The following TAFA2 variants were observed in gnomAD, a reference collection of about 807,000 sequenced individuals.
TAFA2 encodes the protein chemokine-like protein TAFA-2.
Under a neutral mutation model 18.8 loss-of-function variants are expected in TAFA2, and 7 were observed. That is an observed-to-expected ratio of 0.37 (90% confidence interval 0.21 to 0.70). The LOEUF (loss-of-function observed/expected upper bound fraction) is 0.70. Ranked by LOEUF, TAFA2 falls within the 30% of genes least tolerant of loss-of-function variation. The pLI, the probability that TAFA2 is intolerant of heterozygous loss-of-function variation, is 0.53. For synonymous variants in TAFA2, 60 were observed against 54.2 expected, an observed-to-expected ratio of 1.11 and a Z score of -0.47; for missense variants, 122 against 158.1, an observed-to-expected ratio of 0.77 and a Z score of 1.23.
intron 2 of TAFA2, among the ~76,000 whole-genome samples, chr12:61,832,377 G>A (rs1450863335): frequency 6.6e-6 from 1 of 152,000 alleles, no homozygotes; most frequent in Non-Finnish European, 1.5e-5. Context: ...AGGTGCCCTG[G>A]TCCATACTCC....
chr12:62,060,528 T>C (rs1340160841), intron 1 of TAFA2, among the ~76,000 whole-genome samples: 1 of 152,254 alleles, frequency 6.6e-6, no homozygotes, highest in East Asian at 1.9e-4. Context: ...GACAATGTTA[T>C]TGGTTTATGT....
chr12:61,879,403 C>A, intron 1 of TAFA2: 3 of 717,556 alleles, frequency 4.2e-6, no homozygotes, highest in South Asian at 1.5e-5. Context: ...CACGAGTGGT[C>A]CCGGTGCCCC....
intron 2 of TAFA2, among the ~76,000 whole-genome samples, chr12:61,827,420 A>G (rs1384644082): frequency 1.3e-5 from 2 of 152,060 alleles, no homozygotes; most frequent in Middle Eastern, 3.2e-3. Context: ...GTTCTCTACC[A>G]TTACTTGTTC....
At position 61,801,201 on chromosome 12, in the gene TAFA2, A is replaced by T. The variant is rs373770090; in HGVS notation, c.107-46177T>A. 2.0e-4 allele frequency among the ~76,000 whole-genome samples: 30 copies of T among 152,266 alleles called. No individual in the cohort carries two copies. In the South Asian group the frequency reaches 6.0e-3, roughly 30 times the overall value. On this transcript the variant is annotated intron_variant, in intron 2 of 4. Coordinates refer to ENST00000416284, the MANE Select transcript of TAFA2 (RefSeq NM_178539.5). The stretch of plus-strand genomic sequence containing the variant: ...TTAAAATGTCAGTACTACCCATAGC[A>T]ATCTACAGATTCAATGCAATCCTTA...
intron 2 of TAFA2, among the ~76,000 whole-genome samples, chr12:61,801,216 T>G (rs532464594): frequency 2.0e-5 from 3 of 152,266 alleles, no homozygotes; most frequent in African/African-American, 7.2e-5. Context: ...ACAGATTCAA[T>G]GCAATCCTTA....
intron 1 of TAFA2, among the ~76,000 whole-genome samples, chr12:61,875,803 T>A (rs1443612544): frequency 6.6e-6 from 1 of 152,160 alleles, no homozygotes; most frequent in Admixed American, 6.5e-5. Flanking sequence ...TGGCACTATG[T>A]CACACTATGA....
At chr12:62,214,943 T>C (rs998692658) in intron 1 of TAFA2, among the ~76,000 whole-genome samples, 3 of 152,156 alleles carry the variant, frequency 2.0e-5, no homozygotes, top group Admixed American at 6.5e-5. Flanking sequence ...AGAGATACTA[T>C]CTTTAAAGGC....
At chr12:62,208,106 T>C (rs2136971480) in intron 1 of TAFA2, among the ~76,000 whole-genome samples, 1 of 152,256 alleles carries the variant, frequency 6.6e-6, no homozygotes, top group South Asian at 2.1e-4. Context: ...CTAACCTTTT[T>C]ATCTAGTAGT....
chr12:62,246,964 TA>T (rs1253741341), intron 1 of TAFA2, among the ~76,000 whole-genome samples: 1 of 152,192 alleles, frequency 6.6e-6, no homozygotes, highest in Non-Finnish European at 1.5e-5. Context: ...CTCTGATTTT[TA>T]ACAAGTCAAA....
chr12:62,160,818 G>A (rs1180769912), intron 1 of TAFA2, among the ~76,000 whole-genome samples: 1 of 152,036 alleles, frequency 6.6e-6, no homozygotes, highest in Non-Finnish European at 1.5e-5. Flanking sequence ...AGTGTAGGTG[G>A]GTATGTGTGT....
At chr12:62,009,599 A>G (rs6581437) in intron 1 of TAFA2, among the ~76,000 whole-genome samples, 61,921 of 152,044 alleles carry the variant, frequency 0.41, 13,220 homozygotes, top group Non-Finnish European at 0.47. Flanking sequence ...TCAGATATAA[A>G]AAATATATAA....
chr12:61,820,547 G>A lies in TAFA2; in HGVS notation c.106+46773C>T, dbSNP rs138427828. ...AAGAGAAGGAGGAGAAAGAAAGGAA[G>A]GAGAAAGAAAGGAAGGAAAAAAAGG... On this transcript the variant is annotated intron_variant, in intron 2 of 4. Coordinates refer to ENST00000416284, the MANE Select transcript of TAFA2 (RefSeq NM_178539.5). Among the ~76,000 whole-genome samples the A allele has an allele frequency of 5.1e-3, 775 of 150,592 alleles. 3 individuals are homozygous for A. The highest frequency in any genetic ancestry group is 0.018 in the African/African-American group (735 of 41,042).
intron 2 of TAFA2, among the ~76,000 whole-genome samples, chr12:61,777,981 A>G (rs1220913627): frequency 6.6e-6 from 1 of 151,796 alleles, no homozygotes; most frequent in Non-Finnish European, 1.5e-5. Flanking sequence ...CCTCCTGAGG[A>G]AAAGGGATAA....
rs1869296168 is a variant in TAFA2 at position 61,709,530 on chromosome 12, T to G, written c.*876A>C. On this transcript the variant is annotated 3_prime_UTR_variant, in exon 5 of 5. Coordinates refer to ENST00000416284, the MANE Select transcript of TAFA2 (RefSeq NM_178539.5). ...GCATCCCTGTCAATTTTTTTGAAAC[T>G]GAAGGCTACCCATTAACTTGACTGC... is the stretch of plus-strand genomic sequence containing the variant. 6.6e-6 allele frequency: 1 copy of G among 152,060 alleles called. No individual in the cohort carries two copies. Among genetic ancestry groups the G allele is most frequent in the South Asian group, 2.1e-4 (1 of 4,832 alleles). 9.4% of individuals were successfully genotyped at this position (152,060 alleles called of 1,614,324 possible).
At chr12:61,728,954 G>T (rs1183039458) in intron 4 of TAFA2, among the ~76,000 whole-genome samples, 1 of 151,768 alleles carries the variant, frequency 6.6e-6, no homozygotes, top group Non-Finnish European at 1.5e-5. Flanking sequence ...AATTCTCTCA[G>T]CATTTGTTTG....
intron 2 of TAFA2, among the ~76,000 whole-genome samples, chr12:61,787,909 G>A (rs893965990): frequency 2.6e-5 from 4 of 151,518 alleles, no homozygotes; most frequent in African/African-American, 9.7e-5. Context: ...ATATAGAGCG[G>A]TCAAATGGAT....
intron 1 of TAFA2, among the ~76,000 whole-genome samples, chr12:62,229,925 C>G (rs943020255): frequency 1.3e-5 from 2 of 151,700 alleles, no homozygotes; most frequent in African/African-American, 2.4e-5. Flanking sequence ...CTGGTGAGTT[C>G]TGGTTTTCTG....
At chr12:62,156,252 C>A (rs2062368473) in intron 1 of TAFA2, among the ~76,000 whole-genome samples, 1 of 152,194 alleles carries the variant, frequency 6.6e-6, no homozygotes, top group East Asian at 1.9e-4. Flanking sequence ...GCGATACCAC[C>A]TTACTCCTGC....
chr12:62,188,585 T>C (rs913373484), intron 1 of TAFA2, among the ~76,000 whole-genome samples: 1 of 152,178 alleles, frequency 6.6e-6, no homozygotes, highest in African/African-American at 2.4e-5. Flanking sequence ...TGAAGATACA[T>C]ATCTTACCCT....
Sources: gnomAD v4.1 joint callset for allele counts (sites outside exome capture counted in the v4.1 genomes callset) on GRCh38, gnomAD v4.1.1 for gene constraint, MANE v1.5 for transcripts, NCBI Gene and HGNC (gene_info 2026-07-23, HGNC 2026-07-21) for gene names.